DCAF1: variants seen among roughly 807,000 people sequenced by gnomAD.
DCAF1 encodes the protein DDB1- and CUL4-associated factor 1.
Under a neutral mutation model 128.0 loss-of-function variants are expected in DCAF1, and 15 were observed. The ratio of observed to expected loss-of-function variants is 0.12; its 90% CI spans 0.08 to 0.18. DCAF1 has a LOEUF of 0.18. Among genes scored for constraint, DCAF1 ranks in the 10% least tolerant of loss-of-function variants. The probability of loss-of-function intolerance (pLI) is 1.00; values close to 1 mark genes in which losing one functional copy is unlikely to be tolerated. For missense variants in DCAF1, 988 were observed against 1,649.5 expected, an observed-to-expected ratio of 0.60 and a Z score of 6.95; for synonymous variants, 610 against 603.0, an observed-to-expected ratio of 1.01 and a Z score of -0.17.
At chr3:51,419,667 T>C (rs1457162477) in intron 15 of DCAF1, 67 bp downstream of exon 15, 1 of 1,528,940 alleles carries the variant, frequency 6.5e-7, no homozygotes, top group Non-Finnish European at 8.8e-7. Context: ...ATGCTGATAC[T>C]GCCCAGTTTG....
intron 24 of DCAF1, among the ~76,000 whole-genome samples, chr3:51,402,934 A>T (rs1553625383): frequency 6.6e-6 from 1 of 152,196 alleles, no homozygotes; most frequent in Non-Finnish European, 1.5e-5. Context: ...TTGAAAGATA[A>T]GAAATGACAG....
chr3:51,414,546 G>A, intron 19 of DCAF1, 78 bp downstream of exon 19: 1 of 1,557,992 alleles, frequency 6.4e-7, no homozygotes, highest in Non-Finnish European at 8.7e-7. Context: ...CCAGGTATTG[G>A]TATAAAGATA....
intron 23 of DCAF1, among the ~76,000 whole-genome samples, chr3:51,405,846 G>A (rs561034065): frequency 6.6e-6 from 1 of 152,184 alleles, no homozygotes; most frequent in African/African-American, 2.4e-5. Flanking sequence ...GGTCCAAAAA[G>A]TAAAAACTAA....
chr3:51,469,551 C>T (rs371724876), intron 4 of DCAF1, among the ~76,000 whole-genome samples: 1 of 151,948 alleles, frequency 6.6e-6, no homozygotes, highest in Non-Finnish European at 1.5e-5. Flanking sequence ...CTCCTCTCCA[C>T]AAAGGACTGC....
rs1167474829 is a variant in DCAF1, at chr3:51,451,069, C to CTTTTTTTTTTTTTTTTTTTTT, written c.376-7187_376-7167dup. On this transcript the variant is annotated intron_variant, in intron 6 of 24. Coordinates refer to ENST00000684031, the MANE Select transcript of DCAF1 (RefSeq NM_001387579.1). ...CAATGAACAATATAAAAAGGAAATT[C>CTTTTTTTTTTTTTTTTTTTTT]TTTTTTTTTTTTTTTTTTTTTTTTT... is the stretch of plus-strand genomic sequence containing the variant. Among the ~76,000 whole-genome samples, 4 of 27,110 alleles carry CTTTTTTTTTTTTTTTTTTTTT rather than the reference C, an allele frequency of 1.5e-4. 2 individuals carry two copies. The highest frequency in any genetic ancestry group is 2.6e-4 in the African/African-American group (2 of 7,740). The allele number at this position is 27,110 out of a possible 152,430, so 17.8% of individuals were successfully genotyped here.
intron 2 of DCAF1, among the ~76,000 whole-genome samples, chr3:51,496,470 C>G (rs1372756440): frequency 1.3e-5 from 2 of 151,872 alleles, no homozygotes; most frequent in African/African-American, 2.4e-5. Flanking sequence ...GTGCATTACT[C>G]AAGTTCTTAA....
At chr3:51,480,358 A>G (rs1706024200) in intron 3 of DCAF1, among the ~76,000 whole-genome samples, 2 of 152,038 alleles carry the variant, frequency 1.3e-5, no homozygotes, top group South Asian at 4.1e-4. Flanking sequence ...GCACTTTGGG[A>G]GGCTGAGGTG....
intron 10 of DCAF1, among the ~76,000 whole-genome samples, chr3:51,430,496 T>A (rs1553635291): frequency 6.6e-6 from 1 of 152,106 alleles, no homozygotes; most frequent in Non-Finnish European, 1.5e-5. Flanking sequence ...GGCTCCATTA[T>A]ACAGGTATTA....
intron 9 of DCAF1, among the ~76,000 whole-genome samples, chr3:51,439,226 T>C (rs1402257823): frequency 6.6e-6 from 1 of 152,058 alleles, no homozygotes; most frequent in Non-Finnish European, 1.5e-5. Flanking sequence ...CCTCCCGGGT[T>C]CAAGTGATTC....
rs1299816331 is a variant in DCAF1 at position 51,397,903 on chromosome 3, G to C, written c.*866C>G. The C allele has an allele frequency of 2.2e-4, 36 of 166,504 alleles. No homozygotes were observed. Among genetic ancestry groups the C allele is most frequent in the African/African-American group, 8.5e-4 (35 of 41,396 alleles). 10.3% of individuals were successfully genotyped at this position (166,504 alleles called of 1,614,324 possible). ...TTAAATAAATACACTTTACATTAAAGAAAAAGGCCTTTGATTTGTAATTTC... is the reference window on the plus strand; with the variant it reads ...TTAAATAAATACACTTTACATTAAACAAAAAGGCCTTTGATTTGTAATTTC... On this transcript the variant is annotated 3_prime_UTR_variant, in exon 25 of 25. Transcript: ENST00000684031.
rs184262330 is a variant in DCAF1 at position 51,398,608 on chromosome 3, C to A, written c.*161G>T. On this transcript the variant is annotated 3_prime_UTR_variant, in exon 25 of 25. Coordinates refer to ENST00000684031, the MANE Select transcript of DCAF1 (RefSeq NM_001387579.1). ...TGGTTATTGATTCTGGAAGGACCCT[C>A]GGGTGCCAATGAGGCTCTCTAAGCC... 1 of 886,830 alleles carries A rather than the reference C, an allele frequency of 1.1e-6. No individual in the cohort carries two copies. 54.9% of individuals were successfully genotyped at this position (886,830 alleles called of 1,614,324 possible). A position where few individuals can be genotyped will look rare whatever the true frequency, so the allele number is the denominator to read the frequency against.
chr3:51,485,673 A>G (rs374686419), intron 2 of DCAF1, among the ~76,000 whole-genome samples: 2 of 152,224 alleles, frequency 1.3e-5, no homozygotes, highest in East Asian at 3.8e-4. Flanking sequence ...TCTTCTAAAG[A>G]TATCTACCAT....
chr3:51,446,516 C>A (rs79050925), intron 6 of DCAF1, among the ~76,000 whole-genome samples: 11,247 of 151,896 alleles, frequency 0.074, 977 homozygotes, highest in East Asian at 0.33. Flanking sequence ...CTATAGTTCA[C>A]GCTACTTGGG....
intron 3 of DCAF1, among the ~76,000 whole-genome samples, chr3:51,475,118 T>C (rs894250661): frequency 9.9e-5 from 15 of 151,944 alleles, no homozygotes; most frequent in Admixed American, 9.9e-4. Context: ...TTTATATAGA[T>C]AGCATCTTGC....
chr3:51,435,345 A>G (rs1700712493), intron 9 of DCAF1, among the ~76,000 whole-genome samples: 4 of 152,248 alleles, frequency 2.6e-5, no homozygotes, highest in Admixed American at 2.6e-4. Flanking sequence ...CCCACTGTGC[A>G]AAGTATAACC....
chr3:51,422,317 G>C lies in DCAF1; in HGVS notation c.1962C>G (p.Val654=), dbSNP rs782534482. ...CAAAGTACAACCTACCTACAGTAGA[G>C]ACTGTAGATCCAGCCTCATCCAACA... ...VDVLDEAGST[V]STVGISIILG... is the part of the protein sequence containing the mutation. Residue 654 remains valine (V), a synonymous_variant, in exon 14 of 25, where the codon GTC becomes GTG. Transcript: ENST00000684031. 1.3e-6 allele frequency: 1 copy of C among 766,094 alleles called. No individual in the cohort carries two copies. The highest frequency in any genetic ancestry group is 2.4e-6 in the Non-Finnish European group (1 of 411,102). 47.5% of individuals were successfully genotyped at this position (766,094 alleles called of 1,614,324 possible).
At position 51,489,748 on chromosome 3, in the gene DCAF1, G is replaced by A. The variant is rs911414768; in HGVS notation, c.-8-5912C>T. On this transcript the variant is annotated intron_variant, in intron 2 of 24. Coordinates refer to ENST00000684031, the MANE Select transcript of DCAF1 (RefSeq NM_001387579.1). ...GTTGCAGTGAGCCAAGATTGCACCAGTGCAATCCAGCCTGGGTGACAGGTA... is the reference window on the plus strand; with the variant it reads ...GTTGCAGTGAGCCAAGATTGCACCAATGCAATCCAGCCTGGGTGACAGGTA... Among the ~76,000 whole-genome samples the A allele has an allele frequency of 6.0e-5, 9 of 150,566 alleles. No individual in the cohort carries two copies. In the East Asian group the frequency reaches 7.8e-4, roughly 13 times the overall value.
At chr3:51,433,908 C>T (rs1193625234) in intron 9 of DCAF1, among the ~76,000 whole-genome samples, 1 of 150,996 alleles carries the variant, frequency 6.6e-6, no homozygotes, top group African/African-American at 2.4e-5. Context: ...TGGCGAAATC[C>T]CGTCTCTACT....
chr3:51,437,908 A>G (rs1464574715), intron 9 of DCAF1, among the ~76,000 whole-genome samples: 1 of 152,178 alleles, frequency 6.6e-6, no homozygotes, highest in Non-Finnish European at 1.5e-5. Flanking sequence ...AGAAAAAAGA[A>G]AAAGAAAGAA....
Sources: allele counts gnomAD v4.1 joint callset (sites outside exome capture counted in the v4.1 genomes callset), GRCh38; gene constraint gnomAD v4.1.1; transcripts MANE v1.5; gene names NCBI Gene and HGNC (gene_info 2026-07-23, HGNC 2026-07-21).